The following C3orf20 variants were observed in gnomAD, a reference collection of about 807,000 sequenced individuals.
C3orf20 encodes family with sequence similarity 149 member C.
C3orf20 carries 76 observed loss-of-function variants against 88.3 expected under a neutral mutation model. The ratio of observed to expected loss-of-function variants is 0.86; its 90% CI spans 0.72 to 1.04. The LOEUF (loss-of-function observed/expected upper bound fraction) is 1.04. Ranked by LOEUF, C3orf20 falls within the 50% of genes least tolerant of loss-of-function variation. The probability of loss-of-function intolerance (pLI) is 0.00; values close to 1 mark genes in which losing one functional copy is unlikely to be tolerated. For missense variants in C3orf20, 1,056 were observed against 1,123.3 expected (o/e 0.94, Z 0.86); for synonymous variants, 436 against 437.4 (o/e 1.00, Z 0.04).
intron 4 of C3orf20, among the ~76,000 whole-genome samples, chr3:14,687,018 G>A (rs2032466045): frequency 6.6e-6 from 1 of 152,218 alleles, no homozygotes; most frequent in Admixed American, 6.5e-5. Flanking sequence ...GCTGCAGAAT[G>A]CCCCTCCAAT....
intron 5 of C3orf20, among the ~76,000 whole-genome samples, chr3:14,702,907 TG>T (rs1393593841): frequency 6.6e-6 from 1 of 152,022 alleles, no homozygotes; most frequent in African/African-American, 2.4e-5. Context: ...CTAGATACAG[TG>T]GGGGTACAGG....
intron 5 of C3orf20, among the ~76,000 whole-genome samples, chr3:14,693,778 A>T (rs1294898144): frequency 1.3e-5 from 2 of 152,184 alleles, no homozygotes; most frequent in Non-Finnish European, 2.9e-5. Context: ...CTGATTTTAG[A>T]GGAAAGGCTT....
intron 12 of C3orf20, among the ~76,000 whole-genome samples, chr3:14,737,552 A>G (rs924206846): frequency 2.6e-5 from 4 of 152,256 alleles, no homozygotes; most frequent in Admixed American, 6.5e-5. Flanking sequence ...TGCTGAAGAT[A>G]TGCTAATGCA....
chr3:14,757,308 T>C, intron 12 of C3orf20, 63 bp from the exon 13 acceptor site: 1 of 1,426,144 alleles, frequency 7.0e-7, no homozygotes. Flanking sequence ...GCCAGGGGGC[T>C]CTGGGAACCA....
rs146091057 is a variant in C3orf20, at chr3:14,726,970, A to G, written c.1636A>G (p.Lys546Glu). The G allele has an allele frequency of 1.9e-6, 3 of 1,614,186 alleles. No individual in the cohort carries two copies. The highest frequency in any genetic ancestry group is 2.5e-6 in the Non-Finnish European group (3 of 1,180,038). The change falls in exon 11 of 17, where the codon AAG (lysine) becomes GAG (glutamate). Residue 546 changes from lysine to glutamate, a missense_variant. Transcript: ENST00000253697. The part of the protein sequence containing the change: ...KMSRALAEIK[K>E]RFQKTVTQFI... ...GAGCCGAGCCCTGGCTGAGATCAAG[A>G]AGCGGTTTCAGAAGACAGTGACTCA...
chr3:14,760,603 C>CT, intron 14 of C3orf20, among the ~76,000 whole-genome samples: 5 of 107,542 alleles, frequency 4.6e-5, no homozygotes, highest in African/African-American at 1.4e-4. Flanking sequence ...AAGAGTCTGT[C>CT]TTCTTTTTTT....
chr3:14,694,656 C>T (rs1559401586), intron 5 of C3orf20, among the ~76,000 whole-genome samples: 1 of 151,974 alleles, frequency 6.6e-6, no homozygotes, highest in African/African-American at 2.4e-5. Flanking sequence ...TTATTGATCT[C>T]TTGTATTGTT....
At chr3:14,742,357 A>G (rs2034927199) in intron 12 of C3orf20, among the ~76,000 whole-genome samples, 1 of 152,234 alleles carries the variant, frequency 6.6e-6, no homozygotes, top group African/African-American at 2.4e-5. Flanking sequence ...ATGAGAATAA[A>G]TGTATAAATT....
rs192146829 is a variant in C3orf20, at chr3:14,738,886, C to T, written c.1940+10198C>T. On this transcript the variant is annotated intron_variant, in intron 12 of 16. Transcript: ENST00000253697. ...GGTCAGGCTGGTCTTAAACTCCTGA[C>T]CTCAGGTGATCCACCCACCTCAGCC... is the stretch of plus-strand genomic sequence containing the variant. Among the ~76,000 whole-genome samples, 750 of 145,520 alleles carry T rather than the reference C, an allele frequency of 5.2e-3. 3 individuals carry two copies. The highest frequency in any genetic ancestry group is 0.012 in the South Asian group (54 of 4,436).
At chr3:14,749,090 C>T (rs1340851757) in intron 12 of C3orf20, among the ~76,000 whole-genome samples, 1 of 152,156 alleles carries the variant, frequency 6.6e-6, no homozygotes. Context: ...TTTCTTCCTT[C>T]AATTCTGTCA....
intron 12 of C3orf20, among the ~76,000 whole-genome samples, chr3:14,737,943 C>T (rs2034771490): frequency 6.6e-6 from 1 of 152,176 alleles, no homozygotes; most frequent in African/African-American, 2.4e-5. Flanking sequence ...TGAGAAGCAA[C>T]TTTTCATCCC....
At position 14,741,052 on chromosome 3, in the gene C3orf20, G is replaced by A. The variant is rs569959713; in HGVS notation, c.1940+12364G>A. On this transcript the variant is annotated intron_variant, in intron 12 of 16. Transcript: ENST00000253697. ...TGCCAGATATTGTGTATGAAAAACC[G>A]TAGACATAATTTAAGACTCTGGATG... 3.4e-4 allele frequency among the ~76,000 whole-genome samples: 52 copies of A among 152,246 alleles called. No individual in the cohort carries two copies. In the South Asian group the frequency reaches 3.9e-3, roughly 12 times the overall value.
chr3:14,719,470 T>C (rs2034069312), intron 9 of C3orf20, among the ~76,000 whole-genome samples: 1 of 152,220 alleles, frequency 6.6e-6, no homozygotes, highest in Admixed American at 6.5e-5. Flanking sequence ...TGACGGATTA[T>C]GTGTCTGGGA....
intron 5 of C3orf20, among the ~76,000 whole-genome samples, chr3:14,698,074 A>G (rs2033089128): frequency 6.6e-6 from 1 of 152,218 alleles, no homozygotes; most frequent in South Asian, 2.1e-4. Flanking sequence ...GTATATACCC[A>G]GTAATGGGAT....
chr3:14,693,357 T>G (rs1313921488), intron 5 of C3orf20, among the ~76,000 whole-genome samples: 1 of 152,236 alleles, frequency 6.6e-6, no homozygotes, highest in Admixed American at 6.5e-5. Flanking sequence ...TCCATGAACA[T>G]GGAATAGCTT....
At chr3:14,741,291 G>A (rs1266794115) in intron 12 of C3orf20, among the ~76,000 whole-genome samples, 2 of 152,076 alleles carry the variant, frequency 1.3e-5, no homozygotes, top group Non-Finnish European at 2.9e-5. Context: ...TACCTCGGTG[G>A]GCCCTGAATT....
Position 14,702,694 on chromosome 3 carries a change from G to A in C3orf20, c.746-436G>A, listed in dbSNP as rs1250174691. Among the ~76,000 whole-genome samples the A allele has an allele frequency of 2.6e-5, 4 of 152,112 alleles. No individual in the cohort carries two copies. The East Asian group carries it at 5.8e-4, about 22-fold the overall frequency. Reference sequence around the variant, plus strand: ...GACCTCAGGTGATCTGCTTGCCTTGGCCTCCCAAAGTGCTAGGATTACAGG... The same window carrying A: ...GACCTCAGGTGATCTGCTTGCCTTGACCTCCCAAAGTGCTAGGATTACAGG... On this transcript the variant is annotated intron_variant, in intron 5 of 16. Coordinates refer to ENST00000253697, the MANE Select transcript of C3orf20 (RefSeq NM_032137.5).
chr3:14,742,474 A>C (rs2034932376), intron 12 of C3orf20, among the ~76,000 whole-genome samples: 1 of 152,190 alleles, frequency 6.6e-6, no homozygotes, highest in South Asian at 2.1e-4. Flanking sequence ...GAATTTTTGC[A>C]AGATTGGTCA....
intron 5 of C3orf20, among the ~76,000 whole-genome samples, chr3:14,694,737 G>C (rs534612917): frequency 6.6e-6 from 1 of 151,418 alleles, no homozygotes; most frequent in Admixed American, 6.6e-5. Flanking sequence ...TGTTTGGTTT[G>C]CTCTTGCTTT....
Sources: allele counts gnomAD v4.1 joint callset (sites outside exome capture counted in the v4.1 genomes callset), GRCh38; gene constraint gnomAD v4.1.1; transcripts MANE v1.5; gene names NCBI Gene and HGNC (gene_info 2026-07-23, HGNC 2026-07-21).